The following GALNT18 variants were observed in gnomAD, a reference collection of about 807,000 sequenced individuals.
The protein encoded by GALNT18 is polypeptide N-acetylgalactosaminyltransferase 18, also known as GalNAc-transferase 18.
In GALNT18, 44 loss-of-function variants were observed where a neutral mutation model predicts 69.5. The observed-to-expected ratio is 0.63, with a 90% CI of 0.50 to 0.81. The LOEUF (loss-of-function observed/expected upper bound fraction) is 0.81. Ranked by LOEUF, GALNT18 falls within the 40% of genes least tolerant of loss-of-function variation. GALNT18 has a pLI of 0.00. For missense variants in GALNT18, 715 were observed against 810.0 expected (o/e 0.88, Z 1.42); for synonymous variants, 364 against 318.2 (o/e 1.14, Z -1.53).
At chr11:11,514,481 C>T (rs940029648) in intron 1 of GALNT18, among the ~76,000 whole-genome samples, 5 of 152,266 alleles carry the variant, frequency 3.3e-5, no homozygotes, top group Admixed American at 6.5e-5. Context: ...CATCTCTGAG[C>T]GTGAATAAGA....
Position 11,555,591 on chromosome 11 carries a change from T to C in GALNT18, c.235+65768A>G, listed in dbSNP as rs56828701. On this transcript the variant is annotated intron_variant, in intron 1 of 10. Coordinates refer to ENST00000227756, the MANE Select transcript of GALNT18 (RefSeq NM_198516.3). The surrounding 1 kb of genome is among the most constrained non-coding windows in gnomAD (Gnocchi z 4.7). ...TATGAGAGAATAAATTCCTGTTGTT[T>C]TAAGCCACCCACTTTATTACAGAAC... Among the ~76,000 whole-genome samples, 3,005 of 152,296 alleles carry C rather than the reference T, an allele frequency of 0.02. 100 individuals carry two copies. Among genetic ancestry groups the C allele is most frequent in the African/African-American group, 0.069 (2,851 of 41,564 alleles).
chr11:11,319,185 C>T (rs920141337), intron 9 of GALNT18, among the ~76,000 whole-genome samples: 2 of 151,494 alleles, frequency 1.3e-5, no homozygotes, highest in Non-Finnish European at 2.9e-5. Flanking sequence ...GCAAGATGAA[C>T]GGGGCCAGCC....
intron 3 of GALNT18, among the ~76,000 whole-genome samples, chr11:11,409,619 C>G (rs1001250117): frequency 1.3e-5 from 2 of 151,562 alleles, no homozygotes; most frequent in South Asian, 4.2e-4. Flanking sequence ...GCTCCATGCT[C>G]TCCCCAGTCA....
intron 10 of GALNT18, among the ~76,000 whole-genome samples, chr11:11,277,186 A>G (rs1342199657): frequency 6.6e-6 from 1 of 152,154 alleles, no homozygotes; most frequent in African/African-American, 2.4e-5. Context: ...CCTCAATTTC[A>G]GAGCCTGTTA....
intron 1 of GALNT18, among the ~76,000 whole-genome samples, chr11:11,467,184 A>G (rs1323884534): frequency 1.3e-5 from 2 of 152,156 alleles, no homozygotes; most frequent in African/African-American, 4.8e-5. Flanking sequence ...TGCCCACGGC[A>G]GGCAGGAGGG....
chr11:11,354,090 A>G (rs1175369820), intron 6 of GALNT18, among the ~76,000 whole-genome samples: 2 of 152,188 alleles, frequency 1.3e-5, no homozygotes, highest in Non-Finnish European at 2.9e-5. Flanking sequence ...CAGATTATAA[A>G]CACTGGTATG....
At chr11:11,329,516 T>C (rs1169537253) in intron 8 of GALNT18, among the ~76,000 whole-genome samples, 1 of 152,214 alleles carries the variant, frequency 6.6e-6, no homozygotes, top group Non-Finnish European at 1.5e-5. Flanking sequence ...CCTCTTCCCT[T>C]GGCTCTCAGC....
At chr11:11,452,947 G>A (rs1855837886) in intron 1 of GALNT18, among the ~76,000 whole-genome samples, 1 of 152,224 alleles carries the variant, frequency 6.6e-6, no homozygotes, top group African/African-American at 2.4e-5. Flanking sequence ...AGGGCACAAT[G>A]AACTCTGTGA....
chr11:11,561,553 C>T (rs1858507008), intron 1 of GALNT18, among the ~76,000 whole-genome samples: 1 of 152,164 alleles, frequency 6.6e-6, no homozygotes, highest in Non-Finnish European at 1.5e-5. Flanking sequence ...TGTGAAAATG[C>T]CTAGCAGAGT....
intron 1 of GALNT18, among the ~76,000 whole-genome samples, chr11:11,557,103 T>C (rs577749866): frequency 6.6e-6 from 1 of 152,330 alleles, no homozygotes; most frequent in South Asian, 2.1e-4. Flanking sequence ...TTTCTCAGTC[T>C]AGCTGTCTTT....
chr11:11,592,561 C>G lies in GALNT18; in HGVS notation c.235+28798G>C, dbSNP rs376227769. ...CACAGCACACGCCCTGGGTCTGGCA[C>G]AAGCTCAAAACAACTTTCAGTTACG... On this transcript the variant is annotated intron_variant, in intron 1 of 10. Coordinates refer to ENST00000227756, the MANE Select transcript of GALNT18 (RefSeq NM_198516.3). The surrounding 1 kb of genome is among the most constrained non-coding windows in gnomAD (Gnocchi z 5.9). Among the ~76,000 whole-genome samples, 37 of 152,260 alleles carry G rather than the reference C, an allele frequency of 2.4e-4. No homozygotes were observed. In the East Asian group the frequency reaches 5.4e-3, roughly 22 times the overall value.
At chr11:11,575,869 C>A (rs956665542) in intron 1 of GALNT18, among the ~76,000 whole-genome samples, 3 of 152,198 alleles carry the variant, frequency 2.0e-5, no homozygotes, top group African/African-American at 7.2e-5. Context: ...CATGGCCACT[C>A]CTTTGAGGAC....
At chr11:11,295,515 C>T (rs759880557) in intron 9 of GALNT18, among the ~76,000 whole-genome samples, 1 of 152,042 alleles carries the variant, frequency 6.6e-6, no homozygotes, top group Non-Finnish European at 1.5e-5. Flanking sequence ...GCTGAATAAA[C>T]ACCCCAAGTT....
At chr11:11,400,319 T>C (rs974426907) in intron 3 of GALNT18, among the ~76,000 whole-genome samples, 1 of 152,244 alleles carries the variant, frequency 6.6e-6, no homozygotes, top group African/African-American at 2.4e-5. Flanking sequence ...CCTTTGTTGC[T>C]TTAACCTGTT....
intron 10 of GALNT18, among the ~76,000 whole-genome samples, chr11:11,281,304 G>T (rs188653393): frequency 6.6e-6 from 1 of 152,216 alleles, no homozygotes; most frequent in African/African-American, 2.4e-5. Context: ...ATTGTCTGCA[G>T]GCCCAAATGG....
chr11:11,609,738 C>T (rs1859850182), intron 1 of GALNT18, among the ~76,000 whole-genome samples: 1 of 152,204 alleles, frequency 6.6e-6, no homozygotes, highest in Admixed American at 6.5e-5. Context: ...CAATGCCAGC[C>T]TTGGTGTCCA....
At chr11:11,431,759 C>T (rs1424913658) in intron 3 of GALNT18, among the ~76,000 whole-genome samples, 1 of 152,166 alleles carries the variant, frequency 6.6e-6, no homozygotes, top group Non-Finnish European at 1.5e-5. Flanking sequence ...TACCTGACAG[C>T]AAAGAAAGCT....
At chr11:11,330,371 C>G (rs1270914606) in intron 8 of GALNT18, among the ~76,000 whole-genome samples, 1 of 152,226 alleles carries the variant, frequency 6.6e-6, no homozygotes, top group African/African-American at 2.4e-5. Context: ...AGCAAATACT[C>G]TTGCTATTGT....
At chr11:11,427,058 G>A (rs1855148572) in intron 3 of GALNT18, among the ~76,000 whole-genome samples, 1 of 152,208 alleles carries the variant, frequency 6.6e-6, no homozygotes, top group Non-Finnish European at 1.5e-5. Context: ...GGGATTACAG[G>A]CATGAGCCAC....
Sources: gnomAD v4.1 joint callset for allele counts (sites outside exome capture counted in the v4.1 genomes callset) on GRCh38, gnomAD v4.1.1 for gene constraint, Gnocchi (gnomAD v3.1) non-coding constraint, MANE v1.5 for transcripts, NCBI Gene and HGNC (gene_info 2026-07-23, HGNC 2026-07-21) for gene names.